Variants in GCNT1 observed in about 807,000 individuals in gnomAD.
GCNT1 encodes glucosaminyl (N-acetyl) transferase 1, also known as beta-1,3-galactosyl-O-glycosyl-glycoprotein beta-1,6-N-acetylglucosaminyltransferase.
In GCNT1, 16 loss-of-function variants were observed where a neutral mutation model predicts 26.2. That is an observed-to-expected ratio of 0.61 (90% CI 0.41 to 0.93). GCNT1 has a LOEUF of 0.93. GCNT1 is among the 40% of genes least tolerant of loss of function. The pLI is 0.00. For missense variants in GCNT1, 477 were observed against 526.7 expected, an observed-to-expected ratio of 0.91 and a Z score of 0.92; for synonymous variants, 183 against 190.8, an observed-to-expected ratio of 0.96 and a Z score of 0.34.
At chr9:76,403,056 A>G in the GCNT1 span, among the ~76,000 whole-genome samples, 42 of 152,218 alleles carry the variant, frequency 2.8e-4, no homozygotes, top group Admixed American at 4.6e-4. Context: ...TTATACCTAT[A>G]TGGAATGTAA....
intron 2 of GCNT1, among the ~76,000 whole-genome samples, chr9:76,496,591 G>A (rs1824912772): frequency 7.0e-6 from 1 of 141,906 alleles, no homozygotes; most frequent in Non-Finnish European, 1.6e-5. Flanking sequence ...CTCTCTTTAT[G>A]TTGGAACACT....
chr9:76,468,054 A>G (rs1288470881), intron 2 of GCNT1, among the ~76,000 whole-genome samples: 1 of 151,944 alleles, frequency 6.6e-6, no homozygotes, highest in Non-Finnish European at 1.5e-5. Context: ...TTACAGGCAC[A>G]TGCCACCATG....
the GCNT1 span, among the ~76,000 whole-genome samples, chr9:76,400,526 G>C: frequency 2.0e-5 from 3 of 152,144 alleles, no homozygotes; most frequent in Non-Finnish European, 4.4e-5. Context: ...GCTTCCCTCT[G>C]TCTTAGGATC....
chr9:76,409,259 C>G, the GCNT1 span, among the ~76,000 whole-genome samples: 5 of 151,966 alleles, frequency 3.3e-5, no homozygotes, highest in Non-Finnish European at 7.4e-5. Context: ...CTTTATGATT[C>G]TTATAGTGCT....
At chr9:76,498,782 A>G (rs886405187) in intron 2 of GCNT1, among the ~76,000 whole-genome samples, 3 of 121,256 alleles carry the variant, frequency 2.5e-5, no homozygotes, top group Non-Finnish European at 5.4e-5. Context: ...TCAAAAAAAA[A>G]AAAAAAAAGA....
At chr9:76,498,509 A>C (rs1824969174) in intron 2 of GCNT1, among the ~76,000 whole-genome samples, 1 of 152,046 alleles carries the variant, frequency 6.6e-6, no homozygotes, top group Admixed American at 6.6e-5. Context: ...GCAGTGGCTC[A>C]CCCCTGTAAT....
chr9:76,457,173 T>C (rs888397501), upstream of GCNT1, among the ~76,000 whole-genome samples: 2 of 152,236 alleles, frequency 1.3e-5, no homozygotes, highest in African/African-American at 4.8e-5. Context: ...GTGATACTTG[T>C]ACCTCGGCTT....
At chr9:76,399,952 T>C in the GCNT1 span, among the ~76,000 whole-genome samples, 2 of 152,152 alleles carry the variant, frequency 1.3e-5, no homozygotes, top group Non-Finnish European at 2.9e-5. Context: ...TAACTGCATA[T>C]TACTAAGTGA....
intron 2 of GCNT1, among the ~76,000 whole-genome samples, chr9:76,485,323 CCACCA>C (rs1035617172): frequency 2.0e-5 from 3 of 152,102 alleles, no homozygotes; most frequent in African/African-American, 7.2e-5. Flanking sequence ...TGGGCGCATG[CCACCA>C]CACCCGGCTA....
chr9:76,459,236 G>C lies in GCNT1; in HGVS notation c.-477G>C, dbSNP rs1823818948. 1 of 152,764 alleles carries C rather than the reference G, an allele frequency of 6.5e-6. No homozygotes were observed. Among genetic ancestry groups the C allele is most frequent in the African/African-American group, 2.4e-5 (1 of 41,466 alleles). 9.5% of individuals were successfully genotyped at this position (152,764 alleles called of 1,614,324 possible). A position where few individuals can be genotyped will look rare whatever the true frequency, so the allele number is the denominator to read the frequency against. ...CCGGAGCGCCTAGAGCGCGGCGCGG[G>C]GCGGGAGCTTGGTGGAGCAGGAGCG... On this transcript the variant is annotated 5_prime_UTR_variant, in exon 1 of 4. Coordinates refer to ENST00000376730, the MANE Select transcript of GCNT1 (RefSeq NM_001490.5).
At chr9:76,447,817 T>A (rs946524540) in intron 1 of GCNT1, among the ~76,000 whole-genome samples, 7 of 152,228 alleles carry the variant, frequency 4.6e-5, no homozygotes, top group Non-Finnish European at 8.8e-5. Context: ...GGCTCATCCG[T>A]CTTCTTTAGC....
chr9:76,404,031 G>A, the GCNT1 span, among the ~76,000 whole-genome samples: 14 of 152,112 alleles, frequency 9.2e-5, no homozygotes, highest in African/African-American at 2.2e-4. Flanking sequence ...ACCTCTGTTC[G>A]GAGTAATTCC....
chr9:76,478,188 GTA>G (rs201859808), intron 2 of GCNT1, among the ~76,000 whole-genome samples: 1 of 152,278 alleles, frequency 6.6e-6, no homozygotes, highest in South Asian at 2.1e-4. Context: ...ATCCTTCCAT[GTA>G]GTGGAAACTT....
the GCNT1 span, chr9:76,399,218 A>G: frequency 6.7e-7 from 1 of 1,495,000 alleles, no homozygotes; most frequent in Non-Finnish European, 9.2e-7. Context: ...AGTGGGTTTG[A>G]TGTGGTAGAT....
In GCNT1 at chr9:76,503,379, C is replaced by T. The variant is rs145055844; in HGVS notation, c.998C>T (p.Pro333Leu). 51 of 1,614,014 alleles carry T rather than the reference C, an allele frequency of 3.2e-5. No homozygotes were observed. The highest frequency in any genetic ancestry group is 3.9e-5 in the Non-Finnish European group (46 of 1,180,038). The change falls in exon 4 of 4, where the codon CCG becomes CTG. Residue 333 changes from proline to leucine, a missense_variant. Transcript: ENST00000376730. ...WATIQRIPEVPGSLPASHKYD... is the reference protein window; with the variant it reads ...WATIQRIPEVLGSLPASHKYD... ...ACCATCCAAAGGATTCCTGAAGTCC[C>T]GGGCTCACTCCCTGCCAGCCATAAG... is the stretch of plus-strand genomic sequence containing the variant.
chr9:76,443,683 A>T (rs907613735), intron 1 of GCNT1, among the ~76,000 whole-genome samples: 1 of 152,050 alleles, frequency 6.6e-6, no homozygotes, highest in Non-Finnish European at 1.5e-5. Context: ...TTATGGCCAG[A>T]TTTTGGGGGA....
At chr9:76,491,254 T>G (rs1315666681) in intron 2 of GCNT1, among the ~76,000 whole-genome samples, 1 of 152,124 alleles carries the variant, frequency 6.6e-6, no homozygotes, top group African/African-American at 2.4e-5. Flanking sequence ...TTTCTCTCTT[T>G]CCTTACTGCT....
chr9:76,463,378 C>T (rs915691355), intron 2 of GCNT1, among the ~76,000 whole-genome samples: 1 of 152,200 alleles, frequency 6.6e-6, no homozygotes, highest in African/African-American at 2.4e-5. Context: ...CCTGGTGAAA[C>T]TCTTTATTCA....
chr9:76,405,862 G>T, the GCNT1 span, among the ~76,000 whole-genome samples: 1 of 152,320 alleles, frequency 6.6e-6, no homozygotes, highest in East Asian at 1.9e-4. Flanking sequence ...TCAATCTGCA[G>T]GTTTTTGTGT....
Sources: gnomAD v4.1 joint callset for allele counts (sites outside exome capture counted in the v4.1 genomes callset) on GRCh38, gnomAD v4.1.1 for gene constraint, MANE v1.5 for transcripts, NCBI Gene and HGNC (gene_info 2026-07-23, HGNC 2026-07-21) for gene names.